Variants in RBFOX1 observed in about 807,000 individuals in gnomAD.
The protein encoded by RBFOX1 is RNA binding protein fox-1 homolog 1.
In RBFOX1, 8 loss-of-function variants were observed where a neutral mutation model predicts 57.7. The ratio of observed to expected loss-of-function variants is 0.14; its 90% CI spans 0.08 to 0.25. The LOEUF is 0.25. RBFOX1 is among the 10% of genes least tolerant of loss of function. The pLI is 1.00. For missense variants in RBFOX1, 611 were observed against 548.5 expected (o/e 1.11, Z -1.14); for synonymous variants, 326 against 222.4 (o/e 1.47, Z -4.15).
intron 1 of RBFOX1, among the ~76,000 whole-genome samples, chr16:6,074,136 G>A (rs2095868433): frequency 1.3e-5 from 2 of 152,066 alleles, no homozygotes; most frequent in South Asian, 4.1e-4. Context: ...TTTTAGTAGA[G>A]ACAGGATTTC....
At chr16:6,392,227 G>C (rs1406228195) in intron 2 of RBFOX1, among the ~76,000 whole-genome samples, 1 of 152,154 alleles carries the variant, frequency 6.6e-6, no homozygotes, top group Non-Finnish European at 1.5e-5. Flanking sequence ...TTAACTCTAA[G>C]TATTTAAGAT....
chr16:6,739,104 C>T (rs1055501131), intron 3 of RBFOX1, among the ~76,000 whole-genome samples: 10 of 151,568 alleles, frequency 6.6e-5, no homozygotes, highest in African/African-American at 2.4e-4. Context: ...GCTAAATAAA[C>T]CTAAAGCAAG....
chr16:7,224,796 C>G (rs1003195065), intron 4 of RBFOX1, among the ~76,000 whole-genome samples: 3 of 152,150 alleles, frequency 2.0e-5, no homozygotes, highest in South Asian at 4.1e-4. Context: ...GGTCCAAAGA[C>G]CAGCCTCACT....
chr16:6,918,814 C>G (rs983878627), intron 3 of RBFOX1, among the ~76,000 whole-genome samples: 4 of 152,026 alleles, frequency 2.6e-5, no homozygotes, highest in Admixed American at 6.6e-5. Context: ...CAGAAGCGCA[C>G]TCGTTAATAA....
At chr16:6,584,722 C>T (rs957098377) in intron 2 of RBFOX1, among the ~76,000 whole-genome samples, 20 of 152,142 alleles carry the variant, frequency 1.3e-4, no homozygotes, top group African/African-American at 3.9e-4. Flanking sequence ...TACTCCCAGT[C>T]CTTCCACCCT....
At chr16:6,225,789 C>G (rs1040368638) in intron 1 of RBFOX1, among the ~76,000 whole-genome samples, 2 of 152,140 alleles carry the variant, frequency 1.3e-5, no homozygotes, top group African/African-American at 4.8e-5. Flanking sequence ...GCAAAAGTTC[C>G]TACTAGCCTA....
chr16:7,054,354 C>G (rs980965744), intron 4 of RBFOX1, among the ~76,000 whole-genome samples: 1 of 148,780 alleles, frequency 6.7e-6, no homozygotes, highest in Non-Finnish European at 1.5e-5. Flanking sequence ...ATTCTCGTGC[C>G]TCAGCCTCCA....
At chr16:7,390,486 A>G (rs1415262338) in intron 4 of RBFOX1, among the ~76,000 whole-genome samples, 2 of 152,208 alleles carry the variant, frequency 1.3e-5, no homozygotes, top group East Asian at 1.9e-4. Context: ...GCCTTGCCAT[A>G]TCATCTGTTC....
At chr16:6,154,182 C>G (rs541302280) in intron 1 of RBFOX1, among the ~76,000 whole-genome samples, 2 of 152,286 alleles carry the variant, frequency 1.3e-5, no homozygotes, top group South Asian at 2.1e-4. Context: ...ATCTCTCAGC[C>G]TGGACTTGGT....
At chr16:7,436,873 C>A (rs977316904) in intron 4 of RBFOX1, among the ~76,000 whole-genome samples, 1 of 151,904 alleles carries the variant, frequency 6.6e-6, no homozygotes, top group African/African-American at 2.4e-5. Context: ...ACCAGCCTGG[C>A]AAATATGGCG....
At chr16:6,392,036 A>G (rs2092627571) in intron 2 of RBFOX1, among the ~76,000 whole-genome samples, 2 of 152,222 alleles carry the variant, frequency 1.3e-5, no homozygotes, top group South Asian at 4.1e-4. Context: ...TTCCTGGTCT[A>G]TACTAAGAGG....
chr16:6,009,067 G>C (rs558832489), intron 4 of RBFOX1, among the ~76,000 whole-genome samples: 28 of 151,578 alleles, frequency 1.8e-4, no homozygotes, highest in African/African-American at 6.5e-4. Context: ...AAAATTCTAC[G>C]TGCTATCATA....
intron 4 of RBFOX1, among the ~76,000 whole-genome samples, chr16:7,112,175 T>C (rs1262615470): frequency 6.6e-6 from 1 of 152,164 alleles, no homozygotes; most frequent in Non-Finnish European, 1.5e-5. Flanking sequence ...ACAAACTTTG[T>C]TTTTCTATGT....
chr16:5,768,162 G>T (rs1479286452), intron 3 of RBFOX1, among the ~76,000 whole-genome samples: 2 of 152,032 alleles, frequency 1.3e-5, no homozygotes, highest in Admixed American at 6.5e-5. Flanking sequence ...TGCATGTGTG[G>T]CCGCGTGAGA....
At chr16:6,383,404 A>G (rs916265501) in intron 2 of RBFOX1, among the ~76,000 whole-genome samples, 2 of 152,142 alleles carry the variant, frequency 1.3e-5, no homozygotes, top group African/African-American at 4.8e-5. Flanking sequence ...GTGCAGTCAG[A>G]CAGTTCTTTT....
chr16:5,438,543 A>G (rs1479768274), intron 1 of RBFOX1, among the ~76,000 whole-genome samples: 2 of 152,146 alleles, frequency 1.3e-5, no homozygotes, highest in East Asian at 3.9e-4. Flanking sequence ...TCTGCAGGAA[A>G]GGCTCCCCAC....
chr16:7,030,507 A>C (rs1326989872), intron 3 of RBFOX1, among the ~76,000 whole-genome samples: 3 of 152,118 alleles, frequency 2.0e-5, no homozygotes, highest in Non-Finnish European at 2.9e-5. Flanking sequence ...CAGTGGCTCC[A>C]GGCGTTCCTT....
intron 3 of RBFOX1, among the ~76,000 whole-genome samples, chr16:5,639,544 TAG>T (rs886946991): frequency 4.6e-5 from 7 of 152,170 alleles, no homozygotes; most frequent in African/African-American, 1.7e-4. Context: ...GCTTCCCTTT[TAG>T]AGGGAGCAAG....
intron 3 of RBFOX1, among the ~76,000 whole-genome samples, chr16:5,750,887 G>C (rs898343044): frequency 2.0e-5 from 3 of 152,224 alleles, no homozygotes; most frequent in African/African-American, 7.2e-5. Flanking sequence ...CCCACTGTCT[G>C]ACAAGCCCCA....
Sources: gnomAD v4.1 joint callset for allele counts (sites outside exome capture counted in the v4.1 genomes callset) on GRCh38, gnomAD v4.1.1 for gene constraint, MANE v1.5 for transcripts, NCBI Gene and HGNC (gene_info 2026-07-23, HGNC 2026-07-21) for gene names.